The following SCAF11 variants were observed in gnomAD, a reference collection of about 807,000 sequenced individuals.
SCAF11 encodes the protein SR-related CTD associated factor 11.
SCAF11 carries 47 observed loss-of-function variants against 140.5 expected under a neutral mutation model. The observed-to-expected ratio is 0.33, with a 90% confidence interval of 0.26 to 0.43. The LOEUF is 0.43. Among genes scored for constraint, SCAF11 ranks in the 20% least tolerant of loss-of-function variants. The pLI is 1.00. For synonymous variants in SCAF11, 557 were observed against 579.4 expected, an observed-to-expected ratio of 0.96 and a Z score of 0.55; for missense variants, 1,645 against 1,705.1, an observed-to-expected ratio of 0.96 and a Z score of 0.62.
chr12:45,988,647 G>A (rs1158082573), intron 1 of SCAF11, among the ~76,000 whole-genome samples: 3 of 152,262 alleles, frequency 2.0e-5, no homozygotes, highest in Non-Finnish European at 4.4e-5. Context: ...AACATATTTA[G>A]AAACTTTAAA....
intron 3 of SCAF11, among the ~76,000 whole-genome samples, chr12:45,958,761 A>G (rs1483295332): frequency 1.3e-5 from 2 of 152,220 alleles, no homozygotes; most frequent in African/African-American, 4.8e-5. Context: ...GCCCTAAGTA[A>G]AGAGGATTCT....
At chr12:45,957,035 C>G (rs775388334) in intron 3 of SCAF11, among the ~76,000 whole-genome samples, 3 of 152,076 alleles carry the variant, frequency 2.0e-5, no homozygotes, top group Non-Finnish European at 2.9e-5. Flanking sequence ...CCAACCCACA[C>G]TAAGGATGAA....
upstream of SCAF11, chr12:45,990,648 C>A: frequency 8.7e-7 from 1 of 1,146,308 alleles, no homozygotes; most frequent in East Asian, 3.2e-5. Flanking sequence ...TCCCTTCCCT[C>A]GCTGTCGGCG....
chr12:45,931,791 T>C (rs1016334659), intron 9 of SCAF11, among the ~76,000 whole-genome samples, 179 bp from the exon 10 acceptor site: 2 of 152,114 alleles, frequency 1.3e-5, no homozygotes, highest in African/African-American at 4.8e-5. Flanking sequence ...TAGCTACCAA[T>C]TGGCTAAAAT....
chr12:45,951,224 G>C (rs1368196844), intron 4 of SCAF11, among the ~76,000 whole-genome samples: 2 of 152,032 alleles, frequency 1.3e-5, no homozygotes, highest in African/African-American at 4.8e-5. Flanking sequence ...GTGGGAGTTG[G>C]TCTTTGAATC....
chr12:45,935,528 A>G (rs573165838), intron 6 of SCAF11, among the ~76,000 whole-genome samples: 18 of 152,348 alleles, frequency 1.2e-4, no homozygotes, highest in African/African-American at 4.3e-4. Flanking sequence ...ACTCTTAGAA[A>G]TAACCATGTT....
rs1195318858 is a variant in SCAF11, at chr12:45,925,005, G to A, written c.3629C>T (p.Pro1210Leu). 28 of 1,613,948 alleles carry A rather than the reference G, an allele frequency of 1.7e-5. No homozygotes were observed. Among genetic ancestry groups the A allele is most frequent in the South Asian group, 4.4e-5 (4 of 91,084 alleles). The stretch of plus-strand genomic sequence containing the variant: ...TTGTTGCTGCATTACATTCATTTGC[G>A]GTTGCATCATATTTATAGGTAGCTG... The part of the protein sequence containing the change: ...GSQLPINMMQ[P>L]QMNVMQQQMN... The change falls in exon 12 of 15, where the codon CCG becomes CTG. Residue 1210 changes from proline (P) to leucine (L), a missense_variant. Physicochemically the swap from Pro to Leu is moderately conservative, Grantham distance 98. Transcript: ENST00000369367.
chr12:45,976,914 A>C (rs1256783255), intron 1 of SCAF11, among the ~76,000 whole-genome samples: 3 of 152,112 alleles, frequency 2.0e-5, no homozygotes, highest in African/African-American at 4.8e-5. Flanking sequence ...TTCTTTGAAA[A>C]GATCAATAAA....
intron 3 of SCAF11, among the ~76,000 whole-genome samples, chr12:45,954,568 ACTT>A (rs1945632718): frequency 7.2e-6 from 1 of 138,796 alleles, no homozygotes; most frequent in African/African-American, 2.7e-5. Context: ...CTAAGCTGTT[ACTT>A]TTTTTTTTTT....
chr12:45,928,473 TTTC>T lies in SCAF11; in HGVS notation c.1225_1227del (p.Glu409del), dbSNP rs1364984350. 2.5e-6 allele frequency: 4 copies of T among 1,613,138 alleles called. No homozygotes were observed. The East Asian group carries it at 8.9e-5, about 36-fold the overall frequency. On this transcript the variant is annotated inframe_deletion, in exon 11 of 15. Coordinates refer to ENST00000369367, the MANE Select transcript of SCAF11 (RefSeq NM_004719.3). ...ACAGGTGATGTGTCAGATTCTGCTGTTTCTTCATCTACTGAATCATTGGAAGAT... is the reference window on the plus strand; with the variant it reads ...ACAGGTGATGTGTCAGATTCTGCTGTTTCATCTACTGAATCATTGGAAGAT...
intron 1 of SCAF11, among the ~76,000 whole-genome samples, chr12:45,989,985 C>CA (rs939511876): frequency 6.6e-6 from 1 of 151,942 alleles, no homozygotes; most frequent in Non-Finnish European, 1.5e-5. Flanking sequence ...TCCCCCCCCC[C>CA]CGTAGGACCC....
At chr12:45,922,322 CA>C (rs1422410021) in intron 14 of SCAF11, 128 bp from the exon 15 acceptor site, 12 of 1,459,890 alleles carry the variant, frequency 8.2e-6, no homozygotes, top group Non-Finnish European at 1.0e-5. Flanking sequence ...TTATCTCACA[CA>C]AACTAATCAA....
At chr12:45,987,689 A>G (rs148196308) in intron 1 of SCAF11, among the ~76,000 whole-genome samples, 1 of 152,312 alleles carries the variant, frequency 6.6e-6, no homozygotes, top group African/African-American at 2.4e-5. Flanking sequence ...ATGAAGTCAG[A>G]GAGGAAGAAG....
intron 6 of SCAF11, among the ~76,000 whole-genome samples, chr12:45,935,888 G>T (rs1945162227): frequency 6.6e-6 from 1 of 151,964 alleles, no homozygotes; most frequent in South Asian, 2.1e-4. Context: ...GTTTCCTGAA[G>T]ATCGTTTCAC....
chr12:45,979,087 T>C (rs1335211990), intron 1 of SCAF11, among the ~76,000 whole-genome samples: 1 of 92,074 alleles, frequency 1.1e-5, no homozygotes, highest in Non-Finnish European at 2.2e-5. Flanking sequence ...GTGGGGCTTT[T>C]AGGAGGTGAT....
At chr12:45,969,586 G>T (rs1213480202) in intron 1 of SCAF11, among the ~76,000 whole-genome samples, 1 of 152,108 alleles carries the variant, frequency 6.6e-6, no homozygotes, top group African/African-American at 2.4e-5. Flanking sequence ...TATTCTTATT[G>T]TCAGAAACAA....
intron 6 of SCAF11, among the ~76,000 whole-genome samples, chr12:45,936,772 C>T (rs952332796): frequency 1.3e-5 from 2 of 152,188 alleles, no homozygotes; most frequent in South Asian, 4.1e-4. Context: ...TCACATTGTT[C>T]TTCCATTTAC....
intron 12 of SCAF11, 78 bp downstream of exon 12, chr12:45,924,649 CT>C (rs1380117189): frequency 2.2e-5 from 27 of 1,207,770 alleles, no homozygotes; most frequent in East Asian, 2.4e-5. Flanking sequence ...GCCAGGATGC[CT>C]TTTTTTGAAC....
chr12:45,924,343 A>G (rs1354717020), intron 12 of SCAF11, among the ~76,000 whole-genome samples: 1 of 152,226 alleles, frequency 6.6e-6, no homozygotes, highest in Non-Finnish European at 1.5e-5. Context: ...AAGCTTCATC[A>G]CAGTACTTAA....
Sources: allele counts gnomAD v4.1 joint callset (sites outside exome capture counted in the v4.1 genomes callset), GRCh38; gene constraint gnomAD v4.1.1; transcripts MANE v1.5; gene names NCBI Gene and HGNC (gene_info 2026-07-23, HGNC 2026-07-21).